MIB1: variants seen among roughly 807,000 people sequenced by gnomAD.
MIB1 encodes the protein MIB E3 ubiquitin protein ligase 1.
Under a neutral mutation model 124.5 loss-of-function variants are expected in MIB1, and 278 were observed. That is an observed-to-expected ratio of 2.23 (90% CI 2.02 to 2.47). The LOEUF (loss-of-function observed/expected upper bound fraction) is 2.47, where lower values mean the gene tolerates loss of function less well. Ranked by LOEUF, MIB1 falls within the 30% of genes most tolerant of loss-of-function variation. MIB1 has a pLI of 0.00. For missense variants in MIB1, 957 were observed against 1,254.4 expected, an observed-to-expected ratio of 0.76 and a Z score of 3.58; for synonymous variants, 446 against 429.4, an observed-to-expected ratio of 1.04 and a Z score of -0.48.
chr18:21,822,390 A>G (rs971449754), intron 12 of MIB1, among the ~76,000 whole-genome samples: 1 of 152,230 alleles, frequency 6.6e-6, no homozygotes, highest in African/African-American at 2.4e-5. Flanking sequence ...CAATTCTTGC[A>G]TAAATCTTGA....
In MIB1 at chr18:21,740,922, G is replaced by A. The variant is rs987578924; in HGVS notation, c.-662G>A. On this transcript the variant is annotated 5_prime_UTR_variant, in exon 1 of 21. Coordinates refer to ENST00000261537, the MANE Select transcript of MIB1 (RefSeq NM_020774.4). The stretch of plus-strand genomic sequence containing the variant: ...CTCCTAGACACTCTGAGAAGGTGCC[G>A]CTCCGGCCTTGGGTACGGCGGTACC... Among the ~76,000 whole-genome samples the A allele has an allele frequency of 3.3e-5, 5 of 152,244 alleles. No individual in the cohort carries two copies. Among genetic ancestry groups the A allele is most frequent in the Non-Finnish European group, 7.3e-5 (5 of 68,040 alleles).
chr18:21,725,698 C>T (rs1018141441), intron 1 of MIB1, among the ~76,000 whole-genome samples: 15 of 151,976 alleles, frequency 9.9e-5, no homozygotes, highest in South Asian at 2.1e-4. Flanking sequence ...TCCTCCTTCC[C>T]GAGGGGAAAG....
At chr18:21,806,459 C>G (rs1015179818) in intron 10 of MIB1, among the ~76,000 whole-genome samples, 20 of 152,086 alleles carry the variant, frequency 1.3e-4, no homozygotes, top group African/African-American at 3.9e-4. Context: ...GCCTTGGCTT[C>G]CCAAAGTGTT....
Position 21,815,812 on chromosome 18 carries a change from A to C in MIB1, c.1676A>C (p.Gln559Pro). ...GACTTTGGCTGTCATCCCAGTCTCC[A>C]GGTAAAACCTTTAAAGAAACACATC... is the stretch of plus-strand genomic sequence containing the variant. ...LLDFGCHPSL[Q>P]DSEGDTPLHD... The change falls in exon 11 of 21, where the codon CAG (glutamine) becomes CCG (proline). Residue 559 changes from glutamine to proline, a missense_variant and splice_region_variant. Physicochemically the swap from Gln to Pro is moderately conservative, Grantham distance 76. Transcript: ENST00000261537. 1 of 1,613,906 alleles carries C rather than the reference A, an allele frequency of 6.2e-7. No homozygotes were observed. The highest frequency in any genetic ancestry group is 2.2e-5 in the East Asian group (1 of 44,876).
At position 21,857,257 on chromosome 18, in the gene MIB1, C is replaced by G; in HGVS notation, c.2779+14C>G. The G allele has an allele frequency of 6.3e-7, 1 of 1,585,198 alleles. No individual in the cohort carries two copies. The highest frequency in any genetic ancestry group is 8.7e-7 in the Non-Finnish European group (1 of 1,153,760). ...CTGATGATATCTGTAAGTCGATTGT[C>G]TTAAGCATTTTCATATTTTGCTTTT... On this transcript the variant is annotated intron_variant, in intron 19 of 20. Coordinates refer to ENST00000261537, the MANE Select transcript of MIB1 (RefSeq NM_020774.4).
chr18:21,855,423 A>G (rs1396116819), intron 18 of MIB1, among the ~76,000 whole-genome samples: 2 of 152,238 alleles, frequency 1.3e-5, no homozygotes, highest in Admixed American at 6.5e-5. Flanking sequence ...AAAGATAGAA[A>G]CAATACAATA....
intron 13 of MIB1, among the ~76,000 whole-genome samples, chr18:21,840,817 C>G (rs530723955): frequency 6.6e-6 from 1 of 151,110 alleles, no homozygotes. Context: ...GGCAACAGAG[C>G]AAGACCTTGT....
At chr18:21,826,759 T>G (rs1287825146) in intron 12 of MIB1, 2 of 151,974 alleles carry the variant, frequency 1.3e-5, no homozygotes, top group Non-Finnish European at 2.9e-5. Flanking sequence ...AAATATAGAG[T>G]AGAGAAATAT....
chr18:21,733,752 C>T (rs2040782777), intron 1 of MIB1, among the ~76,000 whole-genome samples: 1 of 151,958 alleles, frequency 6.6e-6, no homozygotes, highest in Admixed American at 6.6e-5. Context: ...GTCACCCAGG[C>T]TGGAGTGCAA....
rs184621034 is a variant in MIB1, at chr18:21,845,255, C to T, written c.2211+1002C>T. 1.4e-3 allele frequency among the ~76,000 whole-genome samples: 208 copies of T among 152,294 alleles called. 3 individuals are homozygous for T. In the East Asian group the frequency reaches 0.035, roughly 25 times the overall value. ...TTGATCTCCTGACCTCGTGATCTGC[C>T]TGCCTCAGCCTCCCAAAGTGCTGGG... On this transcript the variant is annotated intron_variant, in intron 15 of 20. Transcript: ENST00000261537.
chr18:21,708,518 T>C (rs1184390244), intron 1 of MIB1, among the ~76,000 whole-genome samples: 1 of 152,020 alleles, frequency 6.6e-6, no homozygotes, highest in East Asian at 1.9e-4. Flanking sequence ...TAGCTGGGCA[T>C]GGTGGTGGGT....
chr18:21,749,007 G>A (rs2040944161), intron 1 of MIB1, among the ~76,000 whole-genome samples: 1 of 151,952 alleles, frequency 6.6e-6, no homozygotes, highest in Non-Finnish European at 1.5e-5. Flanking sequence ...ATCCCAGATT[G>A]CCTGGATTAC....
intron 1 of MIB1, among the ~76,000 whole-genome samples, chr18:21,706,440 G>A (rs997651434): frequency 1.3e-5 from 2 of 152,162 alleles, no homozygotes; most frequent in Non-Finnish European, 2.9e-5. Context: ...TCAGCCCGCT[G>A]CTGCACTGTG....
chr18:21,740,757 C>T (rs953513568), upstream of MIB1, among the ~76,000 whole-genome samples: 1 of 152,252 alleles, frequency 6.6e-6, no homozygotes, highest in African/African-American at 2.4e-5. Context: ...GGCAACCGTC[C>T]GCCCTTTTTC....
rs2040790578 is a variant in MIB1, at chr18:21,735,149, A to G, written n.167+30026A>G. 2.6e-5 allele frequency among the ~76,000 whole-genome samples: 4 copies of G among 152,344 alleles called. No individual in the cohort carries two copies. In the South Asian group the frequency reaches 8.3e-4, roughly 32 times the overall value. On this transcript the variant is annotated intron_variant and non_coding_transcript_variant, in intron 1 of 20. Transcript: ENST00000578646. ...CTGCAGCTCCCAGCGAGATGGATGC[A>G]GAAGGCAGGTGATTTCTGCATTTCC...
upstream of MIB1, among the ~76,000 whole-genome samples, chr18:21,738,715 G>A (rs942648709): frequency 6.0e-5 from 9 of 150,560 alleles, no homozygotes; most frequent in African/African-American, 2.2e-4. Flanking sequence ...GCTGAGTCAG[G>A]AGAATGGCGT....
chr18:21,862,341 AAGTTGGTAAC>A (rs1196731222), intron 20 of MIB1, among the ~76,000 whole-genome samples: 4 of 152,214 alleles, frequency 2.6e-5, no homozygotes, highest in Admixed American at 1.3e-4. Flanking sequence ...GGTATTCTCA[AAGTTGGTAAC>A]AGTTGGTAAC....
intron 7 of MIB1, chr18:21,794,244 G>A (rs1231001610): frequency 6.6e-6 from 1 of 151,380 alleles, no homozygotes; most frequent in Non-Finnish European, 1.5e-5. Context: ...TCAGAAATTA[G>A]GTGATATAAC....
intron 12 of MIB1, among the ~76,000 whole-genome samples, chr18:21,821,930 A>G (rs1376927075): frequency 1.3e-5 from 2 of 152,038 alleles, no homozygotes; most frequent in African/African-American, 2.4e-5. Context: ...TACTTACTAT[A>G]TACTCTGCTT....
Sources: allele counts gnomAD v4.1 joint callset (sites outside exome capture counted in the v4.1 genomes callset), GRCh38; gene constraint gnomAD v4.1.1; transcripts MANE v1.5; gene names NCBI Gene and HGNC (gene_info 2026-07-23, HGNC 2026-07-21).